EBF1: variants seen among roughly 807,000 people sequenced by gnomAD.
The protein encoded by EBF1 is transcription factor COE1.
EBF1 carries 10 observed loss-of-function variants against 68.4 expected under a neutral mutation model. The observed-to-expected ratio is 0.15, with a 90% CI of 0.09 to 0.25. The LOEUF (loss-of-function observed/expected upper bound fraction) is 0.25, where lower values mean the gene tolerates loss of function less well. EBF1 is among the 10% of genes least tolerant of loss of function. The probability of loss-of-function intolerance (pLI) is 1.00; values close to 1 mark genes in which losing one functional copy is unlikely to be tolerated. For missense variants in EBF1, 509 were observed against 794.4 expected, an observed-to-expected ratio of 0.64 and a Z score of 4.32; for synonymous variants, 298 against 299.8, an observed-to-expected ratio of 0.99 and a Z score of 0.06.
intron 6 of EBF1, among the ~76,000 whole-genome samples, chr5:159,030,934 A>C (rs1477587346): frequency 6.6e-6 from 1 of 152,104 alleles, no homozygotes; most frequent in Admixed American, 6.6e-5. Flanking sequence ...GCACTTTCGG[A>C]GCTCGAGGCA....
chr5:158,844,724 T>C (rs1305060456), intron 6 of EBF1, among the ~76,000 whole-genome samples: 2 of 152,240 alleles, frequency 1.3e-5, no homozygotes, highest in African/African-American at 4.8e-5. Context: ...GCTCTTAAAC[T>C]GTTTAGTCTA....
intron 10 of EBF1, among the ~76,000 whole-genome samples, chr5:158,774,429 C>T (rs1246943780): frequency 1.7e-4 from 26 of 151,828 alleles, no homozygotes; most frequent in Admixed American, 1.6e-3. Flanking sequence ...ACTTTAAAAA[C>T]AGCAATAAGG....
intron 6 of EBF1, among the ~76,000 whole-genome samples, chr5:158,851,459 GGGAGA>G (rs1792657362): frequency 8.7e-6 from 1 of 115,574 alleles, no homozygotes. Context: ...GAGAGGGAAG[GGGAGA>G]AGGGAAGGAG....
At chr5:159,016,222 A>T (rs939120762) in intron 6 of EBF1, among the ~76,000 whole-genome samples, 2 of 152,220 alleles carry the variant, frequency 1.3e-5, no homozygotes, top group Non-Finnish European at 2.9e-5. Flanking sequence ...TAAAGCAATA[A>T]CATTTCCTGG....
chr5:158,871,809 C>A (rs994439728), intron 6 of EBF1, among the ~76,000 whole-genome samples: 40 of 152,300 alleles, frequency 2.6e-4, no homozygotes, highest in African/African-American at 9.6e-4. Flanking sequence ...TCAGACCTAG[C>A]CTTACGATCC....
At chr5:158,873,951 C>A (rs1582783528) in intron 6 of EBF1, among the ~76,000 whole-genome samples, 1 of 152,120 alleles carries the variant, frequency 6.6e-6, no homozygotes, top group South Asian at 2.1e-4. Flanking sequence ...AAGCTCACAT[C>A]ACACACATAA....
At chr5:158,805,538 C>T (rs1781426321) in intron 8 of EBF1, among the ~76,000 whole-genome samples, 1 of 152,100 alleles carries the variant, frequency 6.6e-6, no homozygotes, top group South Asian at 2.1e-4. Context: ...GATAATTTAG[C>T]ATTTCATTAG....
intron 6 of EBF1, among the ~76,000 whole-genome samples, chr5:158,944,856 A>G (rs1427740600): frequency 2.0e-5 from 3 of 152,238 alleles, no homozygotes; most frequent in Non-Finnish European, 2.9e-5. Context: ...TGTTGGCCAC[A>G]TAAAAGTCTT....
At chr5:158,873,565 C>G (rs1320477137) in intron 6 of EBF1, among the ~76,000 whole-genome samples, 1 of 152,006 alleles carries the variant, frequency 6.6e-6, no homozygotes, top group South Asian at 2.1e-4. Context: ...GAATGAAAAC[C>G]CATACTACTT....
intron 6 of EBF1, among the ~76,000 whole-genome samples, chr5:158,913,066 G>A (rs1337680519): frequency 6.6e-6 from 1 of 152,186 alleles, no homozygotes; most frequent in East Asian, 1.9e-4. Flanking sequence ...TACTGCACAT[G>A]AGGATATAAT....
intron 6 of EBF1, among the ~76,000 whole-genome samples, chr5:159,022,586 A>G (rs1236637456): frequency 6.6e-6 from 1 of 152,236 alleles, no homozygotes; most frequent in Non-Finnish European, 1.5e-5. Context: ...GTAGGGATTA[A>G]CCGTAAAAAC....
chr5:159,074,692 G>A (rs1778420389), intron 5 of EBF1, among the ~76,000 whole-genome samples: 2 of 152,194 alleles, frequency 1.3e-5, no homozygotes, highest in Non-Finnish European at 2.9e-5. Context: ...TCTGAGAAGA[G>A]AATTAGTCTC....
intron 6 of EBF1, among the ~76,000 whole-genome samples, chr5:158,972,211 T>A (rs550073733): frequency 5.1e-4 from 78 of 152,254 alleles, no homozygotes; most frequent in African/African-American, 1.8e-3. Context: ...CCAGCTGCTC[T>A]TTTTCCCTCC....
intron 6 of EBF1, among the ~76,000 whole-genome samples, chr5:158,975,264 C>G (rs949195258): frequency 6.6e-6 from 1 of 152,168 alleles, no homozygotes; most frequent in Non-Finnish European, 1.5e-5. Flanking sequence ...ATAGTCCTGA[C>G]CCCACTCCCC....
chr5:158,947,808 C>A (rs1325213434), intron 6 of EBF1, among the ~76,000 whole-genome samples: 2 of 152,114 alleles, frequency 1.3e-5, no homozygotes, highest in East Asian at 1.9e-4. Context: ...GGATGAAAAT[C>A]ATTTACCTCC....
intron 6 of EBF1, among the ~76,000 whole-genome samples, chr5:158,969,371 A>G (rs1025261134): frequency 2.0e-5 from 3 of 152,170 alleles, no homozygotes; most frequent in Admixed American, 1.3e-4. Context: ...AGGAATCTTA[A>G]TTTCTGCAGC....
intron 6 of EBF1, among the ~76,000 whole-genome samples, chr5:158,909,779 A>G (rs1023461146): frequency 6.6e-6 from 1 of 151,964 alleles, no homozygotes; most frequent in Non-Finnish European, 1.5e-5. Context: ...TCTACTAAAC[A>G]TACAAAAATT....
rs779591691 is a variant in EBF1 at position 159,022,726 on chromosome 5, GA to G, written c.554+50669del. 3.9e-5 allele frequency among the ~76,000 whole-genome samples: 6 copies of G among 152,002 alleles called. No homozygotes were observed. The South Asian group carries it at 1.2e-3, about 32-fold the overall frequency. On this transcript the variant is annotated intron_variant, in intron 6 of 15. Transcript: ENST00000313708. The stretch of plus-strand genomic sequence containing the variant: ...TTTTGAAAACCAGCCGCTGGGATAA[GA>G]ACACAAGCTATTTAGGCAATGCAAC...
At chr5:159,008,828 C>T (rs1036130723) in intron 6 of EBF1, among the ~76,000 whole-genome samples, 1 of 152,134 alleles carries the variant, frequency 6.6e-6, no homozygotes, top group Admixed American at 6.5e-5. Flanking sequence ...TGAGCCACCG[C>T]GCCCAGCCTA....
Sources: gnomAD v4.1 joint callset for allele counts (sites outside exome capture counted in the v4.1 genomes callset) on GRCh38, gnomAD v4.1.1 for gene constraint, MANE v1.5 for transcripts, NCBI Gene and HGNC (gene_info 2026-07-23, HGNC 2026-07-21) for gene names.